COL28A1: variants seen among roughly 807,000 people sequenced by gnomAD.
The protein encoded by COL28A1 is collagen type XXVIII alpha 1 chain, also known as collagen alpha-1(XXVIII) chain.
Under a neutral mutation model 150.2 loss-of-function variants are expected in COL28A1, and 161 were observed. The ratio of observed to expected loss-of-function variants is 1.07; its 90% CI spans 0.94 to 1.22. The LOEUF is 1.22. COL28A1 is among the 50% of genes most tolerant of loss of function. The probability of loss-of-function intolerance (pLI) is 0.00; values close to 1 mark genes in which losing one functional copy is unlikely to be tolerated. For synonymous variants in COL28A1, 552 were observed against 469.7 expected (o/e 1.18, Z -2.26); for missense variants, 1,617 against 1,388.3 (o/e 1.16, Z -2.62).
At chr7:7,511,060 G>A (rs772730513) in intron 9 of COL28A1, 31 bp downstream of exon 9, 19 of 1,595,334 alleles carry the variant, frequency 1.2e-5, no homozygotes, top group Middle Eastern at 1.7e-4. Context: ...AGGGATCACA[G>A]CTGTAAGCAG....
rs566544949 is a variant in COL28A1, at chr7:7,495,124, A to G, written c.1027-4478T>C. 2.6e-5 allele frequency among the ~76,000 whole-genome samples: 4 copies of G among 152,362 alleles called. No individual in the cohort carries two copies. In the South Asian group the frequency reaches 8.3e-4, roughly 32 times the overall value. On this transcript the variant is annotated intron_variant, in intron 11 of 34. Transcript: ENST00000399429. ...TCTACTAGCCACATTAAGAAATAAAAAAACAGGTAAATTATAATTAATAAA... is the reference window on the plus strand; with the variant it reads ...TCTACTAGCCACATTAAGAAATAAAGAAACAGGTAAATTATAATTAATAAA...
At chr7:7,380,021 A>G (rs983232182) in intron 30 of COL28A1, among the ~76,000 whole-genome samples, 8 of 152,146 alleles carry the variant, frequency 5.3e-5, no homozygotes, top group African/African-American at 1.9e-4. Flanking sequence ...ACCCTGGAAA[A>G]GTCTAACAGG....
At chr7:7,375,105 T>C (rs763784557) in intron 31 of COL28A1, among the ~76,000 whole-genome samples, 10 of 152,216 alleles carry the variant, frequency 6.6e-5, no homozygotes, top group Non-Finnish European at 1.5e-4. Flanking sequence ...TGGACTCAAA[T>C]ACCAGTTTGG....
At chr7:7,345,805 C>G in the COL28A1 span, among the ~76,000 whole-genome samples, 1 of 152,042 alleles carries the variant, frequency 6.6e-6, no homozygotes, top group South Asian at 2.1e-4. Context: ...AGCAGCTTGA[C>G]AATGATGTGG....
chr7:7,368,806 T>C (rs1417758161), intron 33 of COL28A1, among the ~76,000 whole-genome samples: 4 of 152,340 alleles, frequency 2.6e-5, no homozygotes, highest in South Asian at 2.1e-4. Context: ...ACTCAGTCTA[T>C]GGTATTTTTG....
At position 7,358,768 on chromosome 7, in the gene COL28A1, A is replaced by C; in HGVS notation, c.3243T>G (p.Cys1081Trp). The C allele has an allele frequency of 6.2e-7, 1 of 1,614,036 alleles. No individual in the cohort carries two copies. Among genetic ancestry groups the C allele is most frequent in the Non-Finnish European group, 8.5e-7 (1 of 1,179,932 alleles). ...AATACCATCGAACCACATATTCACC[A>C]CAGTTTCCAGGCTTCAAGGCTTCCA... ...RCLEALKPGN[C>W]GEYVVRWYYD... is the part of the protein sequence containing the mutation. The change falls in exon 35 of 35, where the codon TGT becomes TGG. Residue 1081 changes from cysteine (C) to tryptophan (W), a missense_variant. By Grantham distance (215) the Cys-to-Trp change is radical. Coordinates refer to ENST00000399429, the MANE Select transcript of COL28A1 (RefSeq NM_001037763.3).
At chr7:7,388,721 T>C (rs1351410098) in intron 27 of COL28A1, among the ~76,000 whole-genome samples, 1 of 152,232 alleles carries the variant, frequency 6.6e-6, no homozygotes, top group Non-Finnish European at 1.5e-5. Flanking sequence ...AGATGGTATC[T>C]CATTGTGGTT....
chr7:7,479,999 A>G (rs930490995), intron 13 of COL28A1, among the ~76,000 whole-genome samples: 2 of 152,236 alleles, frequency 1.3e-5, no homozygotes, highest in African/African-American at 2.4e-5. Context: ...TGCCAGAGAA[A>G]TAAACCTATG....
At chr7:7,426,540 T>C (rs1016270738) in intron 25 of COL28A1, among the ~76,000 whole-genome samples, 1 of 152,220 alleles carries the variant, frequency 6.6e-6, no homozygotes, top group Non-Finnish European at 1.5e-5. Flanking sequence ...TAGTACCAAC[T>C]GTCAGCATGA....
At chr7:7,392,769 C>T (rs1376682844) in intron 27 of COL28A1, among the ~76,000 whole-genome samples, 1 of 152,068 alleles carries the variant, frequency 6.6e-6, no homozygotes, top group Non-Finnish European at 1.5e-5. Flanking sequence ...ATTGATTTGG[C>T]TATTGATACT....
chr7:7,384,682 A>C (rs1782079503), intron 27 of COL28A1, among the ~76,000 whole-genome samples: 1 of 152,208 alleles, frequency 6.6e-6, no homozygotes, highest in South Asian at 2.1e-4. Flanking sequence ...GAATATCGGA[A>C]CATATCTCCT....
At chr7:7,340,485 A>G in the COL28A1 span, among the ~76,000 whole-genome samples, 2 of 152,160 alleles carry the variant, frequency 1.3e-5, no homozygotes, top group South Asian at 4.2e-4. Flanking sequence ...TTTCCCATAC[A>G]TGACAGCCTC....
At chr7:7,347,726 G>C in the COL28A1 span, among the ~76,000 whole-genome samples, 1 of 152,054 alleles carries the variant, frequency 6.6e-6, no homozygotes, top group Non-Finnish European at 1.5e-5. Context: ...GTGGAGAAGA[G>C]ACAGAGGAAA....
chr7:7,377,575 C>G (rs1237570723), intron 30 of COL28A1, among the ~76,000 whole-genome samples: 2 of 152,110 alleles, frequency 1.3e-5, no homozygotes, highest in African/African-American at 4.8e-5. Flanking sequence ...TACTGCATTA[C>G]AGTACTCGAG....
In COL28A1 at chr7:7,532,831, C is replaced by T. The variant is rs750120488; in HGVS notation, c.45G>A (p.Ala15=). Residue 15 remains alanine (A), a synonymous_variant, in exon 2 of 35, where the codon GCG becomes GCA. Transcript: ENST00000399429. Reference sequence around the variant, plus strand: ...GTCCGGATACTGTTTGACTCGTAAACGCTGACAAAAGCAGGAGATAGAAGA... The same window carrying T: ...GTCCGGATACTGTTTGACTCGTAAATGCTGACAAAAGCAGGAGATAGAAGA... ...YFVFYLLLLS[A]FTSQTVSGQR... 9.3e-6 allele frequency: 15 copies of T among 1,611,566 alleles called. No homozygotes were observed. Among genetic ancestry groups the T allele is most frequent in the East Asian group, 8.9e-5 (4 of 44,762 alleles).
At chr7:7,417,587 T>A (rs969439229) in intron 27 of COL28A1, 9 of 332,624 alleles carry the variant, frequency 2.7e-5, no homozygotes, top group Non-Finnish European at 4.8e-5. Flanking sequence ...GTATAAATTC[T>A]CCATTCAATT....
chr7:7,494,780 A>G (rs959101987), intron 11 of COL28A1, among the ~76,000 whole-genome samples: 14 of 152,364 alleles, frequency 9.2e-5, no homozygotes, highest in Non-Finnish European at 1.9e-4. Flanking sequence ...AGCATAATAA[A>G]GATATTAACA....
chr7:7,496,592 G>A (rs947754361), intron 11 of COL28A1, among the ~76,000 whole-genome samples: 1 of 152,062 alleles, frequency 6.6e-6, no homozygotes, highest in Non-Finnish European at 1.5e-5. Flanking sequence ...ACAATGAAGA[G>A]GAAAATTCAG....
At chr7:7,431,037 C>A (rs1223143591) in intron 25 of COL28A1, among the ~76,000 whole-genome samples, 2 of 152,140 alleles carry the variant, frequency 1.3e-5, no homozygotes, top group Non-Finnish European at 2.9e-5. Context: ...AAATTTAGTG[C>A]CATGGGTCTC....
Sources: gnomAD v4.1 joint callset for allele counts (sites outside exome capture counted in the v4.1 genomes callset) on GRCh38, gnomAD v4.1.1 for gene constraint, MANE v1.5 for transcripts, NCBI Gene and HGNC (gene_info 2026-07-23, HGNC 2026-07-21) for gene names.